Variants in APOBEC3H observed in about 807,000 individuals in gnomAD.
The protein encoded by APOBEC3H is DNA dC->dU-editing enzyme APOBEC-3H.
APOBEC3H carries 8 observed loss-of-function variants against 21.2 expected under a neutral mutation model. The observed-to-expected ratio is 0.38, with a 90% confidence interval of 0.22 to 0.68. APOBEC3H has a LOEUF of 0.68. Among genes scored for constraint, APOBEC3H ranks in the 30% least tolerant of loss-of-function variants. The pLI is 0.52. For missense variants in APOBEC3H, 229 were observed against 228.1 expected (o/e 1.00, Z -0.03); for synonymous variants, 88 against 91.0 (o/e 0.97, Z 0.19).
At chr22:39,099,466 A>T (rs1929176491) in intron 1 of APOBEC3H, among the ~76,000 whole-genome samples, 1 of 151,912 alleles carries the variant, frequency 6.6e-6, no homozygotes, top group African/African-American at 2.4e-5. Context: ...GGGTTCTGGT[A>T]TTGGACATGT....
intron 2 of APOBEC3H, 65 bp from the exon 3 acceptor site, chr22:39,101,172 C>CCCCCCCCCCCCCA: frequency 1.6e-6 from 2 of 1,267,064 alleles, no homozygotes; most frequent in Non-Finnish European, 2.2e-6. Context: ...GCCCCCGCCC[C>CCCCCCCCCCCCCA]CAGTCACATG....
chr22:39,103,854 G>A lies in APOBEC3H; in HGVS notation c.*157G>A. ...GCAAGCACTAAGCTCCACAGTGCCA[G>A]TTCCTTGCCCCAACCTGGCCCCATC... On this transcript the variant is annotated 3_prime_UTR_variant, in exon 5 of 5. Coordinates refer to ENST00000442487, the MANE Select transcript of APOBEC3H (RefSeq NM_181773.5). 3 of 936,292 alleles carry A rather than the reference G, an allele frequency of 3.2e-6. No homozygotes were observed. The highest frequency in any genetic ancestry group is 5.2e-6 in the Non-Finnish European group (3 of 573,250). 58.0% of individuals were successfully genotyped at this position (936,292 alleles called of 1,614,324 possible). A position where few individuals can be genotyped will look rare whatever the true frequency, so the allele number is the denominator to read the frequency against.
chr22:39,103,704 G>A lies in APOBEC3H; in HGVS notation c.*7G>A, dbSNP rs1198827363. 1 of 1,613,950 alleles carries A rather than the reference G, an allele frequency of 6.2e-7. No homozygotes were observed. Among genetic ancestry groups the A allele is most frequent in the Non-Finnish European group, 8.5e-7 (1 of 1,179,950 alleles). On this transcript the variant is annotated 3_prime_UTR_variant, in exon 5 of 5. Coordinates refer to ENST00000442487, the MANE Select transcript of APOBEC3H (RefSeq NM_181773.5). ...TCCCTCTCAGCAGTCCTGAAGTGTG[G>A]ATGTTTTAGAGAATGACTTAAGAAG...
Position 39,102,714 on chromosome 22 carries a change from T to A in APOBEC3H, c.543+672T>A, listed in dbSNP as rs879187750. On this transcript the variant is annotated intron_variant, in intron 4 of 4. Coordinates refer to ENST00000442487, the MANE Select transcript of APOBEC3H (RefSeq NM_181773.5). ...TGTACCTCTCACCATATACAAAAAT[T>A]AACTCGGCCAGGCACAGTGGCTCAC... 13 of 596,760 alleles carry A rather than the reference T, an allele frequency of 2.2e-5. No individual in the cohort carries two copies. In the East Asian group the frequency reaches 2.6e-4, roughly 12 times the overall value. The allele number at this position is 596,760 out of a possible 1,614,324, so 37.0% of individuals were successfully genotyped here.
At chr22:39,100,817 TGCCTCCCC>T (rs1282910046) in intron 2 of APOBEC3H, among the ~76,000 whole-genome samples, 6 of 152,028 alleles carry the variant, frequency 3.9e-5, no homozygotes, top group African/African-American at 1.2e-4. Context: ...CTACCTGCCC[TGCCTCCCC>T]GCCTCCCCGC....
chr22:39,103,754 C>T lies in APOBEC3H; in HGVS notation c.*57C>T, dbSNP rs1192050267. 1 of 1,603,716 alleles carries T rather than the reference C, an allele frequency of 6.2e-7. No homozygotes were observed. Among genetic ancestry groups the T allele is most frequent in the East Asian group, 2.2e-5 (1 of 44,840 alleles). On this transcript the variant is annotated 3_prime_UTR_variant, in exon 5 of 5. Transcript: ENST00000442487. ...GTTTGCAGCTTGGACCCGTATCCCA[C>T]TCATTATCAAGAAGCAACTCAAGAT...
chr22:39,099,709 G>C (rs1193825943), intron 1 of APOBEC3H, among the ~76,000 whole-genome samples: 1 of 152,218 alleles, frequency 6.6e-6, no homozygotes, highest in Non-Finnish European at 1.5e-5. Flanking sequence ...GCAGCAGCCG[G>C]TGCCCTCCCA....
intron 4 of APOBEC3H, among the ~76,000 whole-genome samples, chr22:39,103,085 A>G (rs1929467576): frequency 6.6e-6 from 1 of 151,892 alleles, no homozygotes; most frequent in Admixed American, 6.6e-5. Context: ...CCAGGAGTTC[A>G]AAGACCAGCC....
rs142393344 is a variant in APOBEC3H, at chr22:39,098,504, A to C, written c.-8+1161A>C. Among the ~76,000 whole-genome samples, 4 of 152,300 alleles carry C rather than the reference A, an allele frequency of 2.6e-5. No individual in the cohort carries two copies. In the East Asian group the frequency reaches 7.7e-4, roughly 29 times the overall value. On this transcript the variant is annotated intron_variant, in intron 1 of 4. Transcript: ENST00000442487. The stretch of plus-strand genomic sequence containing the variant: ...AACTAAAAAAATAAAATAAAATAAC[A>C]TGAATAGGTAAAATGCCAGGAATTA...
chr22:39,101,261 T>G lies in APOBEC3H; in HGVS notation c.175T>G (p.Phe59Val), dbSNP rs1929305092. 1.2e-6 allele frequency: 2 copies of G among 1,612,830 alleles called. No individual in the cohort carries two copies. The highest frequency in any genetic ancestry group is 2.2e-5 in the East Asian group (1 of 44,746). The change falls in exon 3 of 5, where the codon TTT becomes GTT. Residue 59 changes from phenylalanine to valine, a missense_variant. Phe to Val is a conservative substitution (Grantham distance 50). Transcript: ENST00000442487. The stretch of plus-strand genomic sequence containing the variant: ...GAAAAAGTGCCATGCAGAAATTTGC[T>G]TTATTAACGAGATCAAGTCCATGGG... The part of the protein sequence containing the change: ...NKKKCHAEIC[F>V]INEIKSMGLD...
At chr22:39,103,268 C>A (rs1929475709) in intron 4 of APOBEC3H, among the ~76,000 whole-genome samples, 1 of 152,138 alleles carries the variant, frequency 6.6e-6, no homozygotes, top group Admixed American at 6.6e-5. Context: ...GCCTGGGCAA[C>A]AGAGTGAGGC....
chr22:39,102,022 C>A lies in APOBEC3H; in HGVS notation c.523C>A (p.Arg175=), dbSNP rs535832435. Residue 175 remains arginine, a synonymous_variant, in exon 4 of 5, where the codon CGA becomes AGA. Coordinates refer to ENST00000442487, the MANE Select transcript of APOBEC3H (RefSeq NM_181773.5). ...AGATAAAAACAGTCGAGCCATAAAG[C>A]GACGGCTTGAGAGGATAAAGGTGAG... ...ELDKNSRAIK[R]RLERIKQS The A allele has an allele frequency of 6.2e-7, 1 of 1,613,834 alleles. No homozygotes were observed.
chr22:39,104,065 G>A lies in APOBEC3H; in HGVS notation c.*368G>A. On this transcript the variant is annotated 3_prime_UTR_variant, in exon 5 of 5. Transcript: ENST00000442487. ...CGGCCAATAAATTTCTATTGTTTAT[G>A]AATCACCCAGTCTGTGGTATTTTGT... 3.2e-6 allele frequency: 1 copy of A among 308,038 alleles called. No individual in the cohort carries two copies. Among genetic ancestry groups the A allele is most frequent in the South Asian group, 4.3e-5 (1 of 23,162 alleles). The allele number at this position is 308,038 out of a possible 1,614,324, so 19.1% of individuals were successfully genotyped here.
At chr22:39,099,097 A>T (rs1825908304) in intron 1 of APOBEC3H, among the ~76,000 whole-genome samples, 2 of 152,138 alleles carry the variant, frequency 1.3e-5, no homozygotes, top group Non-Finnish European at 2.9e-5. Context: ...TGGGAGGCTG[A>T]GGCAGGAGAA....
At position 39,100,372 on chromosome 22, in the gene APOBEC3H, T is replaced by G. The variant is rs1929238289; in HGVS notation, c.94T>G (p.Tyr32Asp). The change falls in exon 2 of 5, where the codon TAC becomes GAC. Residue 32 changes from tyrosine (Y) to aspartate (D), a missense_variant. Physicochemically the swap from Tyr to Asp is radical, Grantham distance 160. Coordinates refer to ENST00000442487, the MANE Select transcript of APOBEC3H (RefSeq NM_181773.5). ...PYYPRKALLC[Y>D]QLTPQNGSTP... ...CTACCCGAGGAAGGCCCTCTTGTGT[T>G]ACCAGCTGACGCCGCAGAATGGCTC... The G allele has an allele frequency of 6.2e-7, 1 of 1,614,022 alleles. No individual in the cohort carries two copies. Among genetic ancestry groups the G allele is most frequent in the Non-Finnish European group, 8.5e-7 (1 of 1,180,002 alleles).
chr22:39,098,669 C>T (rs566848230), intron 1 of APOBEC3H, among the ~76,000 whole-genome samples: 1 of 152,196 alleles, frequency 6.6e-6, no homozygotes, highest in Admixed American at 6.5e-5. Context: ...GAGCTAGGGC[C>T]CTGAGCTGGG....
In APOBEC3H at chr22:39,104,004, G is replaced by A. The variant is rs949811319; in HGVS notation, c.*307G>A. The A allele has an allele frequency of 2.8e-5, 13 of 459,458 alleles. No homozygotes were observed. The highest frequency in any genetic ancestry group is 4.3e-5 in the Non-Finnish European group (11 of 255,270). 28.5% of individuals were successfully genotyped at this position (459,458 alleles called of 1,614,324 possible). On this transcript the variant is annotated 3_prime_UTR_variant, in exon 5 of 5. Transcript: ENST00000442487. ...AATCCAGCCGGGTACGGTGGCTCAC[G>A]CCTGTAATCCTAGCACTTTGGGAGG...
chr22:39,102,175 G>A (rs1371076432), intron 4 of APOBEC3H, 133 bp downstream of exon 4: 5 of 1,321,120 alleles, frequency 3.8e-6, no homozygotes, highest in East Asian at 5.1e-5. Flanking sequence ...TTGAGACAGG[G>A]TCTCACTCTG....
chr22:39,104,038 C>G lies in APOBEC3H; in HGVS notation c.*341C>G. On this transcript the variant is annotated 3_prime_UTR_variant, in exon 5 of 5. Coordinates refer to ENST00000442487, the MANE Select transcript of APOBEC3H (RefSeq NM_181773.5). The stretch of plus-strand genomic sequence containing the variant: ...CCTAGCACTTTGGGAGGCTGAGATG[C>G]TCGGCCAATAAATTTCTATTGTTTA... 2.7e-6 allele frequency: 1 copy of G among 364,872 alleles called. No homozygotes were observed. Among genetic ancestry groups the G allele is most frequent in the South Asian group, 4.1e-5 (1 of 24,586 alleles). 22.6% of individuals were successfully genotyped at this position (364,872 alleles called of 1,614,324 possible).
Sources: allele counts gnomAD v4.1 joint callset (sites outside exome capture counted in the v4.1 genomes callset), GRCh38; gene constraint gnomAD v4.1.1; transcripts MANE v1.5; gene names NCBI Gene and HGNC (gene_info 2026-07-23, HGNC 2026-07-21).